The following MACROD1 variants were observed in gnomAD, a reference collection of about 807,000 sequenced individuals.
The protein encoded by MACROD1 is mono-ADP ribosylhydrolase 1.
In MACROD1, 31 loss-of-function variants were observed where a neutral mutation model predicts 41.4. The ratio of observed to expected loss-of-function variants is 0.75; its 90% confidence interval spans 0.56 to 1.01. The LOEUF is 1.01. MACROD1 is among the 50% of genes least tolerant of loss of function. The pLI is 0.00. For synonymous variants in MACROD1, 252 were observed against 203.4 expected, an observed-to-expected ratio of 1.24 and a Z score of -2.03; for missense variants, 473 against 460.0, an observed-to-expected ratio of 1.03 and a Z score of -0.26.
intron 3 of MACROD1, among the ~76,000 whole-genome samples, chr11:64,106,004 G>A (rs1427420780): frequency 1.3e-5 from 2 of 152,148 alleles, no homozygotes; most frequent in African/African-American, 4.8e-5. Flanking sequence ...GCCCTCTGTA[G>A]GAAAGTGAGG....
At chr11:64,004,408 A>G (rs1942876072) in intron 4 of MACROD1, among the ~76,000 whole-genome samples, 3 of 152,282 alleles carry the variant, frequency 2.0e-5, no homozygotes, top group Admixed American at 6.5e-5. Context: ...GGAAGATTAG[A>G]TATTTAAATT....
intron 3 of MACROD1, among the ~76,000 whole-genome samples, chr11:64,100,061 G>A (rs1316244474): frequency 6.6e-6 from 1 of 152,160 alleles, no homozygotes; most frequent in Non-Finnish European, 1.5e-5. Flanking sequence ...CCCTGACACT[G>A]CTACAGGTTG....
intron 3 of MACROD1, among the ~76,000 whole-genome samples, chr11:64,091,707 G>A (rs553259750): frequency 6.6e-6 from 1 of 152,256 alleles, no homozygotes; most frequent in Admixed American, 6.5e-5. Context: ...TGCACGAGGG[G>A]CCCCAACTCC....
intron 4 of MACROD1, among the ~76,000 whole-genome samples, chr11:64,009,760 G>C (rs1345590044): frequency 6.6e-6 from 1 of 152,194 alleles, no homozygotes; most frequent in Non-Finnish European, 1.5e-5. Flanking sequence ...CTGCATTGGG[G>C]GTGCCCGGGA....
intron 3 of MACROD1, among the ~76,000 whole-genome samples, chr11:64,104,734 C>A (rs942157366): frequency 1.3e-5 from 2 of 152,192 alleles, no homozygotes; most frequent in Non-Finnish European, 2.9e-5. Context: ...TGGGCACCAT[C>A]TGCACTGGCT....
At chr11:64,136,511 C>T (rs1945334896) in intron 3 of MACROD1, among the ~76,000 whole-genome samples, 1 of 152,208 alleles carries the variant, frequency 6.6e-6, no homozygotes, top group South Asian at 2.1e-4. Context: ...GGGCAAGGTC[C>T]AGAGGGGAGG....
intron 3 of MACROD1, chr11:64,149,047 G>T: frequency 1.0e-6 from 1 of 985,102 alleles, no homozygotes; most frequent in South Asian, 4.7e-5. Context: ...AGAACAAAAA[G>T]ATCCCAGGAG....
At chr11:64,112,833 T>C (rs1193217134) in intron 3 of MACROD1, among the ~76,000 whole-genome samples, 1 of 152,236 alleles carries the variant, frequency 6.6e-6, no homozygotes, top group South Asian at 2.1e-4. Context: ...AGCAGCCACC[T>C]TGATGACTGT....
intron 4 of MACROD1, among the ~76,000 whole-genome samples, chr11:64,011,771 G>A (rs939364055): frequency 1.3e-5 from 2 of 151,770 alleles, no homozygotes; most frequent in Non-Finnish European, 2.9e-5. Flanking sequence ...GGAGGGGCGC[G>A]GGTAGAGGCC....
chr11:64,143,792 AC>A (rs1565257698), intron 3 of MACROD1, among the ~76,000 whole-genome samples: 1 of 145,314 alleles, frequency 6.9e-6, no homozygotes, highest in Non-Finnish European at 1.5e-5. Flanking sequence ...ACACACACAC[AC>A]ACACACACAA....
At chr11:64,017,503 ACTGT>A (rs200029191) in intron 3 of MACROD1, among the ~76,000 whole-genome samples, 2,098 of 152,218 alleles carry the variant, frequency 0.014, 45 homozygotes, top group African/African-American at 0.046. Context: ...CCCCAGGGAC[ACTGT>A]CTGAGGGTCG....
At chr11:64,056,702 T>C (rs753461049) in intron 3 of MACROD1, among the ~76,000 whole-genome samples, 2 of 152,078 alleles carry the variant, frequency 1.3e-5, no homozygotes, top group Non-Finnish European at 2.9e-5. Flanking sequence ...GCAGCACTCA[T>C]AGGGGACAGC....
intron 3 of MACROD1, among the ~76,000 whole-genome samples, chr11:64,033,381 C>A (rs1943319226): frequency 6.6e-6 from 1 of 152,120 alleles, no homozygotes; most frequent in Non-Finnish European, 1.5e-5. Flanking sequence ...CTGTTAAAAC[C>A]ACAATTATGA....
chr11:64,148,069 G>A (rs892008895), intron 3 of MACROD1, among the ~76,000 whole-genome samples: 1 of 152,150 alleles, frequency 6.6e-6, no homozygotes, highest in Non-Finnish European at 1.5e-5. Context: ...CCTGACGGAG[G>A]TCACAGGCAG....
chr11:64,053,949 C>G (rs907352946), intron 3 of MACROD1, among the ~76,000 whole-genome samples: 1 of 152,148 alleles, frequency 6.6e-6, no homozygotes, highest in Non-Finnish European at 1.5e-5. Context: ...TTGCATGGCA[C>G]GGAGCTGTTC....
At position 64,063,729 on chromosome 11, in the gene MACROD1, C is replaced by A. The variant is rs149164180; in HGVS notation, c.518-48448G>T. Among the ~76,000 whole-genome samples, 96 of 152,328 alleles carry A rather than the reference C, an allele frequency of 6.3e-4. 1 individual carries two copies. The highest frequency in any genetic ancestry group is 3.4e-3 in the Middle Eastern group (1 of 294). On this transcript the variant is annotated intron_variant, in intron 3 of 10. Coordinates refer to ENST00000255681, the MANE Select transcript of MACROD1 (RefSeq NM_014067.4). ...AGCGGGTGCTGAAACCTACTCCCCC[C>A]TCCATGGGCAGCCACGCGGTCCTCG...
rs1041028371 is a variant in MACROD1 at position 64,165,872 on chromosome 11, C to A, written c.123G>T (p.Thr41=). ...LAGATRTRSS[T]CGPPAFLGVF... ...CGCCCAGGAACGCCGGGGGACCGCA[C>A]GTGCTGCTGCGGGTCCTCGTGGCAC... Residue 41 remains threonine, a synonymous_variant, in exon 1 of 11, where the codon ACG becomes ACT. Coordinates refer to ENST00000255681, the MANE Select transcript of MACROD1 (RefSeq NM_014067.4). 10 of 1,421,742 alleles carry A rather than the reference C, an allele frequency of 7.0e-6. No individual in the cohort carries two copies. The African/African-American group carries it at 1.4e-4, about 19-fold the overall frequency. 88.1% of individuals were successfully genotyped at this position (1,421,742 alleles called of 1,614,324 possible).
intron 3 of MACROD1, among the ~76,000 whole-genome samples, chr11:64,078,078 T>G (rs1297457575): frequency 6.6e-6 from 1 of 152,118 alleles, no homozygotes; most frequent in Non-Finnish European, 1.5e-5. Context: ...GCCTTCCCTT[T>G]CACAGTCACA....
chr11:64,125,829 C>T (rs1000815577), intron 3 of MACROD1, among the ~76,000 whole-genome samples: 5 of 152,346 alleles, frequency 3.3e-5, no homozygotes, highest in Non-Finnish European at 4.4e-5. Context: ...AGATCCCAGG[C>T]GACACCTGCT....
Sources: allele counts gnomAD v4.1 joint callset (sites outside exome capture counted in the v4.1 genomes callset), GRCh38; gene constraint gnomAD v4.1.1; transcripts MANE v1.5; gene names NCBI Gene and HGNC (gene_info 2026-07-23, HGNC 2026-07-21).